The following COL11A1 variants were observed in gnomAD, a reference collection of about 807,000 sequenced individuals.
COL11A1 encodes the protein collagen type XI alpha 1 chain, also known as collagen alpha-1(XI) chain.
A neutral mutation model predicts 265.2 loss-of-function variants in COL11A1; 74 were observed. The observed-to-expected ratio is 0.28, with a 90% CI of 0.23 to 0.34. The LOEUF (loss-of-function observed/expected upper bound fraction) is 0.34. COL11A1 is among the 10% of genes least tolerant of loss of function. The probability of loss-of-function intolerance (pLI) is 1.00; values close to 1 mark genes in which losing one functional copy is unlikely to be tolerated. For missense variants in COL11A1, 2,165 were observed against 2,263.6 expected, an observed-to-expected ratio of 0.96 and a Z score of 0.88; for synonymous variants, 816 against 727.6, an observed-to-expected ratio of 1.12 and a Z score of -1.96.
rs572713771 is a variant in COL11A1 at position 103,070,724 on chromosome 1, G to GA, written c.651+3893dup. On this transcript the variant is annotated intron_variant, in intron 4 of 66. Coordinates refer to ENST00000370096, the MANE Select transcript of COL11A1 (RefSeq NM_001854.4). ...ATTCAATTGTAACTCAATAAATTTA[G>GA]AAAAAAAATCACAAGGACCAAGAAC... Among the ~76,000 whole-genome samples the GA allele has an allele frequency of 1.4e-3, 213 of 151,622 alleles. 2 individuals are homozygous for GA. The highest frequency in any genetic ancestry group is 4.9e-3 in the African/African-American group (202 of 41,408).
At chr1:103,047,690 A>G (rs971944467) in intron 4 of COL11A1, among the ~76,000 whole-genome samples, 7 of 152,126 alleles carry the variant, frequency 4.6e-5, no homozygotes, top group Non-Finnish European at 8.8e-5. Flanking sequence ...CCAGTTTTCA[A>G]AGAGAATGCT....
At chr1:102,931,756 C>A (rs946279750) in intron 46 of COL11A1, among the ~76,000 whole-genome samples, 5 of 151,896 alleles carry the variant, frequency 3.3e-5, no homozygotes, top group African/African-American at 1.2e-4. Flanking sequence ...TCAGGACTTG[C>A]TTTATGAATC....
At chr1:103,083,046 G>T in intron 1 of COL11A1, 74 bp from the exon 2 acceptor site, 2 of 1,383,108 alleles carry the variant, frequency 1.4e-6, no homozygotes, top group Non-Finnish European at 2.0e-6. Context: ...TTTTAACACA[G>T]GATAGTATGT....
At position 102,934,320 on chromosome 1, in the gene COL11A1, T is replaced by C. The variant is rs3738153; in HGVS notation, c.3600+129A>G. The C allele has an allele frequency of 1.9e-3, 1,288 of 671,506 alleles. 21 individuals carry two copies. In the East Asian group the frequency reaches 0.032, roughly 17 times the overall value. The allele number at this position is 671,506 out of a possible 1,614,324, so 41.6% of individuals were successfully genotyped here. A position where few individuals can be genotyped will look rare whatever the true frequency, so the allele number is the denominator to read the frequency against. On this transcript the variant is annotated intron_variant, in intron 46 of 66. Transcript: ENST00000370096. ...GCTCATTTAAAAATAAAATGATCTT[T>C]ATGGATAAACATTGTACCCAAGTTC...
At chr1:103,077,472 G>A (rs561499432) in intron 3 of COL11A1, among the ~76,000 whole-genome samples, 13 of 151,898 alleles carry the variant, frequency 8.6e-5, no homozygotes, top group African/African-American at 2.4e-4. Context: ...GAAACACAAC[G>A]TGCTATTATA....
chr1:103,027,690 C>A (rs1667655522), intron 5 of COL11A1, among the ~76,000 whole-genome samples: 1 of 151,690 alleles, frequency 6.6e-6, no homozygotes, highest in African/African-American at 2.4e-5. Context: ...ATCACAGTGC[C>A]TTCTAATAAT....
intron 37 of COL11A1, among the ~76,000 whole-genome samples, chr1:102,965,794 G>A (rs2101597056): frequency 6.6e-6 from 1 of 152,226 alleles, no homozygotes. Flanking sequence ...GTAAAAATGT[G>A]TTCTTAGCCC....
At position 103,014,507 on chromosome 1, in the gene COL11A1, T is replaced by A. The variant is rs370981642; in HGVS notation, c.1572+4A>T. ...TGTGGGAATGCAAGTTTATCCTGTC[T>A]TACCCGAGCCTGCTGAAGAATAGCT... On this transcript the variant is annotated splice_donor_region_variant and intron_variant, in intron 13 of 66. Coordinates refer to ENST00000370096, the MANE Select transcript of COL11A1 (RefSeq NM_001854.4). The A allele has an allele frequency of 6.2e-7, 1 of 1,613,476 alleles. No individual in the cohort carries two copies. The highest frequency in any genetic ancestry group is 8.5e-7 in the Non-Finnish European group (1 of 1,179,520).
intron 13 of COL11A1, 133 bp downstream of exon 13, chr1:103,014,378 T>C (rs1666386301): frequency 2.5e-6 from 2 of 793,480 alleles, no homozygotes; most frequent in East Asian, 5.4e-5. Flanking sequence ...TTTAGCAGTT[T>C]TCCAAGTAAG....
chr1:102,884,463 T>C (rs927132814), intron 63 of COL11A1: 3 of 152,320 alleles, frequency 2.0e-5, no homozygotes, highest in East Asian at 3.9e-4. Flanking sequence ...CTGTTCCTCA[T>C]AGAAAACACC....
chr1:102,983,284 G>A (rs188087004), intron 31 of COL11A1, among the ~76,000 whole-genome samples: 82 of 152,060 alleles, frequency 5.4e-4, no homozygotes, highest in Admixed American at 2.0e-3. Context: ...GTGATGCAGC[G>A]AATTGAATGG....
intron 42 of COL11A1, 51 bp downstream of exon 42, chr1:102,946,798 T>C (rs1288507571): frequency 7.2e-7 from 1 of 1,380,914 alleles, no homozygotes; most frequent in Non-Finnish European, 1.0e-6. Flanking sequence ...TAAAAAGTAA[T>C]AACGTGTACA....
chr1:103,032,020 C>T (rs1035289265), intron 4 of COL11A1, among the ~76,000 whole-genome samples: 1 of 152,000 alleles, frequency 6.6e-6, no homozygotes, highest in African/African-American at 2.4e-5. Flanking sequence ...AAATATTCTG[C>T]TCTTGATGTA....
rs192942486 is a variant in COL11A1 at position 103,040,481 on chromosome 1, T to C, written c.652-9237A>G. ...TTCCTTGTTGATTTAAGGAAACTCTTATGTAAAAATTTAAATTACAATTCT... is the reference window on the plus strand; with the variant it reads ...TTCCTTGTTGATTTAAGGAAACTCTCATGTAAAAATTTAAATTACAATTCT... On this transcript the variant is annotated intron_variant, in intron 4 of 66. Coordinates refer to ENST00000370096, the MANE Select transcript of COL11A1 (RefSeq NM_001854.4). Among the ~76,000 whole-genome samples, 95 of 151,716 alleles carry C rather than the reference T, an allele frequency of 6.3e-4. 1 individual carries two copies. Among genetic ancestry groups the C allele is most frequent in the African/African-American group, 2.3e-3 (94 of 41,534 alleles).
intron 4 of COL11A1, among the ~76,000 whole-genome samples, chr1:103,034,236 G>A (rs1668192347): frequency 6.6e-6 from 1 of 152,006 alleles, no homozygotes; most frequent in South Asian, 2.1e-4. Context: ...TGTAGATTAA[G>A]GTGTTTCATC....
In COL11A1 at chr1:102,923,362, C is replaced by T; in HGVS notation, c.3628G>A (p.Gly1210Ser). The T allele has an allele frequency of 6.2e-7, 1 of 1,605,782 alleles. No individual in the cohort carries two copies. The highest frequency in any genetic ancestry group is 1.1e-5 in the South Asian group (1 of 89,872). Reference protein sequence around the residue: ...QGLPGPPGEKGENGDVGPMGP... With the variant: ...QGLPGPPGEKSENGDVGPMGP... ...ATGGGACCAACATCCCCATTTTCAC[C>T]TTTTTCACCAGGTGGGCCTGGCAGA... is the stretch of plus-strand genomic sequence containing the variant. Residue 1210 changes from glycine to serine, a missense_variant, in exon 47 of 67, where the codon GGT (glycine) becomes AGT (serine). Coordinates refer to ENST00000370096, the MANE Select transcript of COL11A1 (RefSeq NM_001854.4).
intron 44 of COL11A1, among the ~76,000 whole-genome samples, chr1:102,935,858 G>A (rs552436609): frequency 2.2e-3 from 331 of 152,240 alleles, no homozygotes; most frequent in Middle Eastern, 6.8e-3. Context: ...GGGAGTTCTT[G>A]ATATGCTTTT....
At chr1:103,017,247 T>C (rs193201882) in intron 11 of COL11A1, among the ~76,000 whole-genome samples, 67 of 152,180 alleles carry the variant, frequency 4.4e-4, no homozygotes, top group Middle Eastern at 3.4e-3. Context: ...AATTAAAAAG[T>C]TTTTACATTA....
At chr1:102,913,232 C>T (rs1178149693) in intron 53 of COL11A1, among the ~76,000 whole-genome samples, 1 of 152,082 alleles carries the variant, frequency 6.6e-6, no homozygotes, top group Non-Finnish European at 1.5e-5. Context: ...AAGGCCTATA[C>T]TATGTTGAGA....
Sources: allele counts gnomAD v4.1 joint callset (sites outside exome capture counted in the v4.1 genomes callset), GRCh38; gene constraint gnomAD v4.1.1; transcripts MANE v1.5; gene names NCBI Gene and HGNC (gene_info 2026-07-23, HGNC 2026-07-21).